GPHN: variants seen among roughly 807,000 people sequenced by gnomAD.
GPHN encodes gephyrin.
Under a neutral mutation model 95.5 loss-of-function variants are expected in GPHN, and 17 were observed. The observed-to-expected ratio is 0.18, with a 90% CI of 0.12 to 0.27. The LOEUF is 0.27. GPHN is among the 10% of genes least tolerant of loss of function. The pLI is 1.00. For synonymous variants in GPHN, 320 were observed against 322.5 expected (o/e 0.99, Z 0.08); for missense variants, 660 against 978.1 (o/e 0.67, Z 4.34).
intron 11 of GPHN, among the ~76,000 whole-genome samples, chr14:67,083,332 G>A (rs2076762526): frequency 6.6e-6 from 1 of 151,988 alleles, no homozygotes; most frequent in African/African-American, 2.4e-5. Context: ...TCATGATAGT[G>A]AGTTCTCTTG....
intron 11 of GPHN, among the ~76,000 whole-genome samples, chr14:67,059,810 A>G (rs1015751150): frequency 1.3e-5 from 2 of 152,288 alleles, no homozygotes; most frequent in South Asian, 2.1e-4. Flanking sequence ...TCTTTGGTTC[A>G]CATTCTTTTA....
chr14:67,521,677 T>G, the GPHN span, among the ~76,000 whole-genome samples: 8 of 152,102 alleles, frequency 5.3e-5, no homozygotes, highest in African/African-American at 1.9e-4. Context: ...CATAAAGCAT[T>G]AAGACATTAA....
At chr14:66,893,561 G>A (rs1376389972) in intron 5 of GPHN, among the ~76,000 whole-genome samples, 1 of 152,202 alleles carries the variant, frequency 6.6e-6, no homozygotes, top group African/African-American at 2.4e-5. Context: ...TAGGAAAAGA[G>A]GAAGTCAAAT....
chr14:67,721,904 C>T, the GPHN span, among the ~76,000 whole-genome samples: 1 of 152,100 alleles, frequency 6.6e-6, no homozygotes, highest in African/African-American at 2.4e-5. Flanking sequence ...CGCTAGAGTC[C>T]ATGCACTTAA....
chr14:67,050,241 C>A (rs1445601172), intron 10 of GPHN, among the ~76,000 whole-genome samples: 1 of 152,030 alleles, frequency 6.6e-6, no homozygotes, highest in Non-Finnish European at 1.5e-5. Context: ...TAAAAAAGTA[C>A]AAATTATTTT....
the GPHN span, chr14:67,332,890 A>G: frequency 4.3e-6 from 7 of 1,613,952 alleles, no homozygotes; most frequent in African/African-American, 9.3e-5. Context: ...CCTATCAGGA[A>G]TTGCTTAGGT....
intron 17 of GPHN, among the ~76,000 whole-genome samples, chr14:67,129,901 T>C (rs2079592994): frequency 1.3e-5 from 2 of 151,728 alleles, no homozygotes; most frequent in Non-Finnish European, 2.9e-5. Context: ...AGAAAGAAAG[T>C]CTTTAATGTT....
At chr14:67,358,974 T>C in the GPHN span, among the ~76,000 whole-genome samples, 1,703 of 152,270 alleles carry the variant, frequency 0.011, 20 homozygotes, top group Middle Eastern at 0.017. Flanking sequence ...CACAGTCTAG[T>C]GGGAGAGAAA....
At chr14:66,709,329 C>A (rs1444968405) in intron 2 of GPHN, 1 of 455,970 alleles carries the variant, frequency 2.2e-6, no homozygotes, top group Non-Finnish European at 4.4e-6. Context: ...CACATTAAGC[C>A]TGTACTGTAG....
chr14:67,664,447 C>T, the GPHN span, among the ~76,000 whole-genome samples: 1 of 151,882 alleles, frequency 6.6e-6, no homozygotes, highest in Non-Finnish European at 1.5e-5. Context: ...ATGTATTTTT[C>T]AATGTGACTC....
intron 1 of GPHN, among the ~76,000 whole-genome samples, chr14:66,519,100 AATT>A (rs1249484755): frequency 1.3e-5 from 2 of 152,072 alleles, no homozygotes; most frequent in East Asian, 3.8e-4. Flanking sequence ...AAGTATGTAT[AATT>A]ATTGTATGTC....
the GPHN span, among the ~76,000 whole-genome samples, chr14:67,412,369 C>T: frequency 2.0e-5 from 3 of 152,248 alleles, no homozygotes; most frequent in Admixed American, 6.5e-5. Flanking sequence ...TCCAGTCTCT[C>T]TGCTCAGCGT....
chr14:66,779,697 G>A (rs1456405315), intron 3 of GPHN, among the ~76,000 whole-genome samples: 2 of 152,024 alleles, frequency 1.3e-5, no homozygotes, highest in African/African-American at 4.8e-5. Flanking sequence ...GCATAGACAT[G>A]AAATAATAGG....
chr14:67,309,094 G>C, the GPHN span, among the ~76,000 whole-genome samples: 1 of 152,058 alleles, frequency 6.6e-6, no homozygotes, highest in Admixed American at 6.6e-5. Flanking sequence ...ATTTTGTTTT[G>C]TTCAGAAGCC....
chr14:67,679,547 G>A, the GPHN span, among the ~76,000 whole-genome samples: 1 of 152,054 alleles, frequency 6.6e-6, no homozygotes, highest in South Asian at 2.1e-4. Flanking sequence ...GGGATTATAG[G>A]CGCCTGCCAC....
At chr14:67,225,647 C>T in the GPHN span, among the ~76,000 whole-genome samples, 1 of 152,224 alleles carries the variant, frequency 6.6e-6, no homozygotes, top group Middle Eastern at 3.4e-3. Flanking sequence ...TACAGATATT[C>T]GTAGAGTGCC....
At chr14:67,451,595 G>C in the GPHN span, among the ~76,000 whole-genome samples, 1 of 152,144 alleles carries the variant, frequency 6.6e-6, no homozygotes, top group African/African-American at 2.4e-5. Flanking sequence ...ACTTGCATGG[G>C]GCCTGTAGCC....
intron 2 of GPHN, among the ~76,000 whole-genome samples, chr14:66,760,281 T>C (rs1445433197): frequency 6.6e-6 from 1 of 152,216 alleles, no homozygotes. Flanking sequence ...TTTTAATAAA[T>C]AGATAAAATT....
At chr14:66,941,525 TAGAA>T (rs2067425925) in intron 8 of GPHN, among the ~76,000 whole-genome samples, 1 of 152,100 alleles carries the variant, frequency 6.6e-6, no homozygotes, top group African/African-American at 2.4e-5. Context: ...CTGGGCCTGT[TAGAA>T]AGAGACATTC....
Sources: gnomAD v4.1 joint callset for allele counts (sites outside exome capture counted in the v4.1 genomes callset) on GRCh38, gnomAD v4.1.1 for gene constraint, MANE v1.5 for transcripts, NCBI Gene and HGNC (gene_info 2026-07-23, HGNC 2026-07-21) for gene names.